The following REEP3 variants were observed in gnomAD, a reference collection of about 807,000 sequenced individuals.
REEP3 encodes receptor expression-enhancing protein 3.
In REEP3, 20 loss-of-function variants were observed where a neutral mutation model predicts 41.3. The ratio of observed to expected loss-of-function variants is 0.48; its 90% CI spans 0.34 to 0.70. The LOEUF is 0.70. REEP3 is among the 30% of genes least tolerant of loss of function. The pLI, the probability that REEP3 is intolerant of heterozygous loss-of-function variation, is 0.01. For missense variants in REEP3, 271 were observed against 308.8 expected, an observed-to-expected ratio of 0.88 and a Z score of 0.92; for synonymous variants, 104 against 101.8, an observed-to-expected ratio of 1.02 and a Z score of -0.13.
intron 2 of REEP3, among the ~76,000 whole-genome samples, chr10:63,583,759 A>G (rs941774765): frequency 6.6e-6 from 1 of 152,218 alleles, no homozygotes; most frequent in African/African-American, 2.4e-5. Context: ...TGGTCCTGTT[A>G]AAAGGGAACT....
At chr10:63,610,120 T>G in intron 5 of REEP3, 67 bp from the exon 6 acceptor site, 1 of 1,307,474 alleles carries the variant, frequency 7.6e-7, no homozygotes, top group Admixed American at 2.3e-5. Flanking sequence ...AATAAAATGT[T>G]CAGGGATAGT....
chr10:63,576,136 G>A (rs1319954900), intron 2 of REEP3, among the ~76,000 whole-genome samples: 2 of 152,026 alleles, frequency 1.3e-5, no homozygotes, highest in Non-Finnish European at 2.9e-5. Context: ...GGATGATCTC[G>A]GGTTCTCTGC....
chr10:63,614,132 T>A (rs188090466), intron 6 of REEP3, among the ~76,000 whole-genome samples: 84 of 152,252 alleles, frequency 5.5e-4, no homozygotes, highest in African/African-American at 1.8e-3. Context: ...TATCAAAGAA[T>A]ACAACTGTCA....
At chr10:63,610,484 T>C (rs1428187171) in intron 6 of REEP3, 150 bp downstream of exon 6, 2 of 714,600 alleles carry the variant, frequency 2.8e-6, no homozygotes, top group Admixed American at 3.0e-5. Context: ...ACCTAGATGA[T>C]GGGTTGGTAG....
At chr10:63,610,048 C>A in intron 5 of REEP3, 139 bp from the exon 6 acceptor site, 1 of 668,206 alleles carries the variant, frequency 1.5e-6, no homozygotes, top group Non-Finnish European at 2.4e-6. Flanking sequence ...GCAGATACCG[C>A]AAAATGTAAA....
chr10:63,618,889 T>C (rs888267342), intron 6 of REEP3, among the ~76,000 whole-genome samples: 1 of 152,280 alleles, frequency 6.6e-6, no homozygotes, highest in Non-Finnish European at 1.5e-5. Context: ...TCAGACTTCC[T>C]GACTGTGTGG....
intron 5 of REEP3, among the ~76,000 whole-genome samples, chr10:63,609,986 A>C (rs1199553673): frequency 5.3e-5 from 8 of 152,196 alleles, no homozygotes; most frequent in Non-Finnish European, 1.2e-4. Flanking sequence ...TTTGAAATGC[A>C]TGAAAAAATA....
chr10:63,528,848 A>G (rs1281565173), intron 1 of REEP3, among the ~76,000 whole-genome samples: 2 of 152,088 alleles, frequency 1.3e-5, no homozygotes, highest in Non-Finnish European at 1.5e-5. Flanking sequence ...CGCTTCCTTC[A>G]GGTGTTCACT....
At chr10:63,589,737 C>T (rs1246646871) in intron 2 of REEP3, among the ~76,000 whole-genome samples, 2 of 149,744 alleles carry the variant, frequency 1.3e-5, no homozygotes, top group Non-Finnish European at 3.0e-5. Context: ...GGGATTTTGA[C>T]CCATACTGGG....
chr10:63,527,402 T>C (rs1955375731), intron 1 of REEP3, among the ~76,000 whole-genome samples: 1 of 152,196 alleles, frequency 6.6e-6, no homozygotes, highest in Non-Finnish European at 1.5e-5. Flanking sequence ...CCGGGCACAG[T>C]GGCTCTTGCT....
chr10:63,612,353 G>A (rs1437075574), intron 6 of REEP3, among the ~76,000 whole-genome samples: 3 of 151,866 alleles, frequency 2.0e-5, no homozygotes, highest in South Asian at 4.2e-4. Context: ...TCCATTTTTT[G>A]TAGAGACGGG....
intron 7 of REEP3, 125 bp from the exon 8 acceptor site, chr10:63,620,685 TTTA>T: frequency 1.8e-6 from 1 of 569,156 alleles, no homozygotes; most frequent in Non-Finnish European, 3.0e-6. Context: ...CTTATATACA[TTTA>T]TTAAGAGAAT....
chr10:63,567,248 G>A (rs766173505), intron 2 of REEP3, among the ~76,000 whole-genome samples: 10 of 151,694 alleles, frequency 6.6e-5, no homozygotes, highest in Non-Finnish European at 1.5e-4. Flanking sequence ...CATTTCAGAG[G>A]CATTTGATGC....
intron 2 of REEP3, among the ~76,000 whole-genome samples, chr10:63,567,325 G>A (rs898599772): frequency 5.9e-5 from 9 of 151,536 alleles, no homozygotes; most frequent in South Asian, 2.1e-4. Context: ...AAATATTTTC[G>A]TCACCCCAAA....
At chr10:63,579,923 G>C (rs919530770) in intron 2 of REEP3, among the ~76,000 whole-genome samples, 1 of 152,152 alleles carries the variant, frequency 6.6e-6, no homozygotes, top group Non-Finnish European at 1.5e-5. Flanking sequence ...CCTGAATTCA[G>C]AGGCAGCCAG....
chr10:63,530,295 G>A (rs1341497241), intron 1 of REEP3, among the ~76,000 whole-genome samples: 1 of 152,032 alleles, frequency 6.6e-6, no homozygotes, highest in African/African-American at 2.4e-5. Flanking sequence ...CTCAATGATA[G>A]CTAAAATATT....
At chr10:63,529,960 G>A (rs1955404923) in intron 1 of REEP3, among the ~76,000 whole-genome samples, 1 of 150,910 alleles carries the variant, frequency 6.6e-6, no homozygotes, top group South Asian at 2.1e-4. Flanking sequence ...TGTATTTTTA[G>A]TAGAGACAGC....
At chr10:63,548,988 TTA>T (rs1955603378) in intron 1 of REEP3, among the ~76,000 whole-genome samples, 1 of 152,080 alleles carries the variant, frequency 6.6e-6, no homozygotes, top group Non-Finnish European at 1.5e-5. Context: ...TTTTTTTTTT[TTA>T]AATGCACCAT....
chr10:63,538,509 G>A (rs934349093), intron 1 of REEP3, among the ~76,000 whole-genome samples: 1 of 152,168 alleles, frequency 6.6e-6, no homozygotes, highest in Non-Finnish European at 1.5e-5. Context: ...CAAGGCGGGC[G>A]GATCACCTGA....
Sources: allele counts gnomAD v4.1 joint callset (sites outside exome capture counted in the v4.1 genomes callset), GRCh38; gene constraint gnomAD v4.1.1; transcripts MANE v1.5; gene names NCBI Gene and HGNC (gene_info 2026-07-23, HGNC 2026-07-21).